The following VWA3B variants were observed in gnomAD, a reference collection of about 807,000 sequenced individuals.
The protein encoded by VWA3B is von Willebrand factor A domain-containing protein 3B.
A neutral mutation model predicts 158.3 loss-of-function variants in VWA3B; 138 were observed. That is an observed-to-expected ratio of 0.87 (90% confidence interval 0.76 to 1.00). The LOEUF is 1.00. Ranked by LOEUF, VWA3B falls within the 50% of genes least tolerant of loss-of-function variation. The probability of loss-of-function intolerance (pLI) is 0.00; values close to 1 mark genes in which losing one functional copy is unlikely to be tolerated. For missense variants in VWA3B, 1,555 were observed against 1,565.1 expected, an observed-to-expected ratio of 0.99 and a Z score of 0.11; for synonymous variants, 596 against 587.3, an observed-to-expected ratio of 1.01 and a Z score of -0.21.
chr2:98,310,464 G>T (rs187713019), intron 26 of VWA3B, among the ~76,000 whole-genome samples: 1 of 151,996 alleles, frequency 6.6e-6, no homozygotes, highest in African/African-American at 2.4e-5. Flanking sequence ...TCTCACATCC[G>T]CTTCTTGTCG....
At chr2:98,250,891 C>T (rs1295551750) in intron 20 of VWA3B, among the ~76,000 whole-genome samples, 1 of 151,802 alleles carries the variant, frequency 6.6e-6, no homozygotes, top group Non-Finnish European at 1.5e-5. Flanking sequence ...ATATATACAC[C>T]TACTGTGTAC....
intron 22 of VWA3B, among the ~76,000 whole-genome samples, chr2:98,286,303 A>G (rs1689164126): frequency 1.3e-5 from 2 of 152,162 alleles, no homozygotes; most frequent in Admixed American, 6.5e-5. Context: ...CTCAAATACA[A>G]TGTTGAATAG....
At chr2:98,319,254 A>G in the VWA3B span, among the ~76,000 whole-genome samples, 2 of 152,196 alleles carry the variant, frequency 1.3e-5, no homozygotes, top group East Asian at 3.8e-4. Context: ...AGAAGAAAAC[A>G]TGAGTGAATT....
chr2:98,292,081 TAA>T (rs772141517), intron 23 of VWA3B: 38 of 86,114 alleles, frequency 4.4e-4, no homozygotes, highest in Non-Finnish European at 5.5e-4. Context: ...TCATCTCTAC[TAA>T]AAAAAAAAAA....
intron 2 of VWA3B, among the ~76,000 whole-genome samples, chr2:98,097,444 T>G (rs1459496835): frequency 6.6e-6 from 1 of 152,246 alleles, no homozygotes; most frequent in Non-Finnish European, 1.5e-5. Context: ...CATTCTTTTT[T>G]TATGCCTGAG....
intron 20 of VWA3B, 100 bp downstream of exon 20, chr2:98,250,536 A>T (rs949975909): frequency 1.0e-6 from 1 of 963,490 alleles, no homozygotes. Context: ...TTTTTTAATG[A>T]AGCAGCTATT....
chr2:98,255,591 G>A (rs185109477), intron 20 of VWA3B, among the ~76,000 whole-genome samples: 1 of 152,142 alleles, frequency 6.6e-6, no homozygotes, highest in Admixed American at 6.5e-5. Context: ...TCTCAGCACC[G>A]CCAGCCAGCA....
Position 98,192,930 on chromosome 2 carries a change from T to G in VWA3B, c.1499T>G (p.Leu500Arg), listed in dbSNP as rs1358430900. Residue 500 changes from leucine (L) to arginine (R), a missense_variant, in exon 11 of 28, where the codon CTC becomes CGC. Transcript: ENST00000477737. The stretch of plus-strand genomic sequence containing the variant: ...TGGCTACAGGATGGGAGTCAAAGCC[T>G]CTTTGGAAGATTGCATAATGATTGC... ...IKWLQDGSQS[L>R]FGRLHNDCIY... The G allele has an allele frequency of 1.2e-6, 2 of 1,614,094 alleles. No homozygotes were observed. Among genetic ancestry groups the G allele is most frequent in the Admixed American group, 3.3e-5 (2 of 60,008 alleles).
At chr2:98,102,966 C>T (rs927223463) in intron 2 of VWA3B, among the ~76,000 whole-genome samples, 3 of 152,180 alleles carry the variant, frequency 2.0e-5, no homozygotes, top group Non-Finnish European at 4.4e-5. Context: ...AAGGAATTTC[C>T]TCAACATTCT....
intron 22 of VWA3B, among the ~76,000 whole-genome samples, chr2:98,282,071 T>C (rs1433041502): frequency 6.6e-6 from 1 of 152,224 alleles, no homozygotes; most frequent in Non-Finnish European, 1.5e-5. Flanking sequence ...TTCTTTGACG[T>C]TAACTGTACG....
intron 1 of VWA3B, among the ~76,000 whole-genome samples, chr2:98,090,622 C>A (rs143600289): frequency 6.6e-6 from 1 of 152,264 alleles, no homozygotes; most frequent in African/African-American, 2.4e-5. Flanking sequence ...CAATATTCTC[C>A]TCAAATTGAG....
intron 8 of VWA3B, among the ~76,000 whole-genome samples, chr2:98,170,438 T>G (rs947218828): frequency 1.3e-4 from 20 of 152,182 alleles, no homozygotes; most frequent in African/African-American, 4.8e-4. Flanking sequence ...TCATTCAGGC[T>G]CTGCAGGCAG....
chr2:98,221,324 G>A (rs1436763176), intron 14 of VWA3B, among the ~76,000 whole-genome samples: 4 of 152,212 alleles, frequency 2.6e-5, no homozygotes, highest in South Asian at 2.1e-4. Context: ...ACCCCTGCCC[G>A]AGCCAAATGA....
chr2:98,165,203 T>A (rs1678965545), intron 8 of VWA3B, among the ~76,000 whole-genome samples: 1 of 152,234 alleles, frequency 6.6e-6, no homozygotes, highest in African/African-American at 2.4e-5. Flanking sequence ...TGTTTAAGGC[T>A]CCTTATGAGC....
At position 98,119,158 on chromosome 2, in the gene VWA3B, G is replaced by A. The variant is rs77781991; in HGVS notation, c.292-355G>A. On this transcript the variant is annotated intron_variant, in intron 3 of 27. Transcript: ENST00000477737. Reference sequence around the variant, plus strand: ...ATGTTATGTTTAGGAAAACGTTTTAGTGAGACATTATTTTCCATCTGCCTT... The same window carrying A: ...ATGTTATGTTTAGGAAAACGTTTTAATGAGACATTATTTTCCATCTGCCTT... Among the ~76,000 whole-genome samples, 28 of 152,336 alleles carry A rather than the reference G, an allele frequency of 1.8e-4. No individual in the cohort carries two copies. In the South Asian group the frequency reaches 5.8e-3, roughly 32 times the overall value.
chr2:98,175,716 G>T (rs1477469574), intron 8 of VWA3B, among the ~76,000 whole-genome samples: 1 of 152,166 alleles, frequency 6.6e-6, no homozygotes, highest in African/African-American at 2.4e-5. Flanking sequence ...CATCCAAGAA[G>T]CAAAATGGAT....
chr2:98,255,180 A>ATTTTTTTTTTTTTT (rs1302034902), intron 20 of VWA3B, among the ~76,000 whole-genome samples: 6 of 65,930 alleles, frequency 9.1e-5, no homozygotes, highest in African/African-American at 3.3e-4. Context: ...CGCCCGGCTG[A>ATTTTTTTTTTTTTT]TATTTTTTTT....
At chr2:98,254,638 A>G (rs1321130791) in intron 20 of VWA3B, among the ~76,000 whole-genome samples, 1 of 152,136 alleles carries the variant, frequency 6.6e-6, no homozygotes, top group Non-Finnish European at 1.5e-5. Context: ...ATCAGACACA[A>G]TTTATGTGCT....
At chr2:98,244,792 G>C (rs1399869373) in intron 19 of VWA3B, among the ~76,000 whole-genome samples, 2 of 152,168 alleles carry the variant, frequency 1.3e-5, no homozygotes, top group African/African-American at 2.4e-5. Context: ...ATGTAGAGTA[G>C]TCAGTGCCTG....
Sources: gnomAD v4.1 joint callset for allele counts (sites outside exome capture counted in the v4.1 genomes callset) on GRCh38, gnomAD v4.1.1 for gene constraint, MANE v1.5 for transcripts, NCBI Gene and HGNC (gene_info 2026-07-23, HGNC 2026-07-21) for gene names.